The following LDB2 variants were observed in gnomAD, a reference collection of about 807,000 sequenced individuals.
LDB2 encodes the protein LIM domain-binding protein 2.
LDB2 carries 12 observed loss-of-function variants against 44.3 expected under a neutral mutation model. That is an observed-to-expected ratio of 0.27 (90% CI 0.17 to 0.44). The LOEUF is 0.44. Among genes scored for constraint, LDB2 ranks in the 20% least tolerant of loss-of-function variants. LDB2 has a pLI of 1.00. For synonymous variants in LDB2, 164 were observed against 174.8 expected, an observed-to-expected ratio of 0.94 and a Z score of 0.49; for missense variants, 344 against 473.5, an observed-to-expected ratio of 0.73 and a Z score of 2.54.
At chr4:16,690,423 C>T (rs1750349309) in intron 2 of LDB2, among the ~76,000 whole-genome samples, 1 of 145,348 alleles carries the variant, frequency 6.9e-6, no homozygotes, top group East Asian at 2.1e-4. Context: ...GATCACACCA[C>T]TGCACTCCAG....
intron 1 of LDB2, among the ~76,000 whole-genome samples, chr4:16,877,856 T>C (rs1718891031): frequency 6.6e-6 from 1 of 152,092 alleles, no homozygotes; most frequent in African/African-American, 2.4e-5. Flanking sequence ...AATGCCATAT[T>C]TAAAGCTTAT....
intron 5 of LDB2, among the ~76,000 whole-genome samples, chr4:16,569,625 C>T (rs907426307): frequency 6.6e-6 from 1 of 152,112 alleles, no homozygotes; most frequent in Admixed American, 6.5e-5. Flanking sequence ...CCATCCTATA[C>T]CAGTAGGCAG....
chr4:16,673,272 G>A (rs1387026306), intron 2 of LDB2, among the ~76,000 whole-genome samples: 1 of 152,180 alleles, frequency 6.6e-6, no homozygotes, highest in Admixed American at 6.5e-5. Flanking sequence ...AGGGTTTCCA[G>A]GTCTCCAGAT....
chr4:16,644,830 G>A (rs576856740), intron 2 of LDB2, among the ~76,000 whole-genome samples: 1 of 151,934 alleles, frequency 6.6e-6, no homozygotes. Flanking sequence ...GTTCTTTTCC[G>A]ATCATCTTCC....
Position 16,666,370 on chromosome 4 carries a change from G to A in LDB2, c.236-70495C>T, listed in dbSNP as rs181660093. Among the ~76,000 whole-genome samples the A allele has an allele frequency of 1.5e-4, 23 of 152,294 alleles. No individual in the cohort carries two copies. The East Asian group carries it at 3.9e-3, about 26-fold the overall frequency. On this transcript the variant is annotated intron_variant, in intron 2 of 7. Transcript: ENST00000304523. The stretch of plus-strand genomic sequence containing the variant: ...ATCAGAAGGCAAAAAAAAAGGCTAC[G>A]CTGAGAAGAAAGGGAGCCTCGTGAG...
rs151278650 is a variant in LDB2 at position 16,880,040 on chromosome 4, T to C, written c.132+18314A>G. On this transcript the variant is annotated intron_variant, in intron 1 of 7. Transcript: ENST00000304523. ...TGTTTGCTTGATGGCATCTCAGACC[T>C]TTATTTCCCCAAACCAGATGCCCTT... is the stretch of plus-strand genomic sequence containing the variant. 8.5e-5 allele frequency among the ~76,000 whole-genome samples: 13 copies of C among 152,246 alleles called. No individual in the cohort carries two copies. In the East Asian group the frequency reaches 2.5e-3, roughly 30 times the overall value.
intron 2 of LDB2, among the ~76,000 whole-genome samples, chr4:16,745,089 G>A (rs1456317407): frequency 6.6e-6 from 1 of 152,162 alleles, no homozygotes; most frequent in Non-Finnish European, 1.5e-5. Flanking sequence ...GGACAGGGTC[G>A]TGATTTGAAG....
At chr4:16,713,686 A>G (rs565175106) in intron 2 of LDB2, among the ~76,000 whole-genome samples, 122 of 152,310 alleles carry the variant, frequency 8.0e-4, no homozygotes, top group Non-Finnish European at 1.4e-3. Flanking sequence ...AATTTTCTGA[A>G]GGGCACACAG....
At chr4:16,519,463 C>T (rs1196084419) in intron 5 of LDB2, among the ~76,000 whole-genome samples, 1 of 151,944 alleles carries the variant, frequency 6.6e-6, no homozygotes, top group Non-Finnish European at 1.5e-5. Context: ...TTGTTTACCT[C>T]TCTGAATATC....
chr4:16,839,737 A>G (rs899075653), intron 1 of LDB2, among the ~76,000 whole-genome samples: 3 of 152,206 alleles, frequency 2.0e-5, no homozygotes, highest in Admixed American at 2.0e-4. Context: ...ACTAAAAAAG[A>G]TACTATTATT....
intron 2 of LDB2, among the ~76,000 whole-genome samples, chr4:16,610,190 C>A (rs1448170357): frequency 6.6e-6 from 1 of 151,978 alleles, no homozygotes; most frequent in African/African-American, 2.4e-5. Flanking sequence ...AAGGCCCCCA[C>A]AGAAACTCCA....
intron 1 of LDB2, among the ~76,000 whole-genome samples, chr4:16,779,499 C>T (rs1386759346): frequency 6.6e-6 from 1 of 152,094 alleles, no homozygotes; most frequent in Non-Finnish European, 1.5e-5. Context: ...GCCACCTTGG[C>T]CAATGAGAAG....
At chr4:16,789,746 A>G (rs191839046) in intron 1 of LDB2, among the ~76,000 whole-genome samples, 1 of 152,334 alleles carries the variant, frequency 6.6e-6, no homozygotes, top group East Asian at 1.9e-4. Flanking sequence ...CCTGGCCAAT[A>G]TGGTGAAACC....
At chr4:16,687,961 C>T (rs372035275) in intron 2 of LDB2, among the ~76,000 whole-genome samples, 13 of 152,264 alleles carry the variant, frequency 8.5e-5, no homozygotes, top group East Asian at 7.7e-4. Context: ...AGTAGTATCC[C>T]ACTTGTTCAG....
At chr4:16,877,951 G>A (rs1218460769) in intron 1 of LDB2, among the ~76,000 whole-genome samples, 1 of 149,820 alleles carries the variant, frequency 6.7e-6, no homozygotes, top group African/African-American at 2.5e-5. Context: ...GCAATTGAAG[G>A]AAAACAGAGC....
intron 1 of LDB2, among the ~76,000 whole-genome samples, chr4:16,823,972 T>C (rs1782572984): frequency 6.6e-6 from 1 of 152,222 alleles, no homozygotes; most frequent in African/African-American, 2.4e-5. Flanking sequence ...TGTTAACTAT[T>C]TACATCTATT....
intron 3 of LDB2, among the ~76,000 whole-genome samples, chr4:16,592,180 A>G (rs1420391163): frequency 6.6e-6 from 1 of 152,218 alleles, no homozygotes; most frequent in African/African-American, 2.4e-5. Context: ...AAACTAAAAA[A>G]GAACATTTCT....
intron 1 of LDB2, among the ~76,000 whole-genome samples, chr4:16,788,747 C>G (rs966627677): frequency 6.6e-6 from 1 of 152,244 alleles, no homozygotes; most frequent in Non-Finnish European, 1.5e-5. Context: ...GGTTTTGGAA[C>G]TGCCTTGCGT....
chr4:16,723,251 G>T (rs1043592552), intron 2 of LDB2, among the ~76,000 whole-genome samples: 3 of 152,194 alleles, frequency 2.0e-5, no homozygotes, highest in Admixed American at 2.0e-4. Flanking sequence ...ATAAAGAAAA[G>T]ACTTTTATTC....
Sources: gnomAD v4.1 joint callset for allele counts (sites outside exome capture counted in the v4.1 genomes callset) on GRCh38, gnomAD v4.1.1 for gene constraint, MANE v1.5 for transcripts, NCBI Gene and HGNC (gene_info 2026-07-23, HGNC 2026-07-21) for gene names.